Variants in PTPRN2 observed in about 807,000 individuals in gnomAD.
PTPRN2 encodes the protein receptor-type tyrosine-protein phosphatase N2.
In PTPRN2, 74 loss-of-function variants were observed where a neutral mutation model predicts 118.8. The observed-to-expected ratio is 0.62, with a 90% CI of 0.52 to 0.76. The LOEUF is 0.76. Among genes scored for constraint, PTPRN2 ranks in the 30% least tolerant of loss-of-function variants. PTPRN2 has a pLI of 0.00. For synonymous variants in PTPRN2, 641 were observed against 608.0 expected (o/e 1.05, Z -0.80); for missense variants, 1,481 against 1,394.4 (o/e 1.06, Z -0.99).
intron 12 of PTPRN2, among the ~76,000 whole-genome samples, chr7:157,693,490 T>G (rs1028868355): frequency 6.6e-6 from 1 of 152,056 alleles, no homozygotes; most frequent in African/African-American, 2.4e-5. Context: ...CATCCTGCCC[T>G]CGCTGCCCCG....
At chr7:157,721,203 C>T (rs1799213203) in intron 12 of PTPRN2, among the ~76,000 whole-genome samples, 2 of 152,192 alleles carry the variant, frequency 1.3e-5, no homozygotes, top group African/African-American at 4.8e-5. Flanking sequence ...CTGCTAAGAA[C>T]ACACAACGGG....
At chr7:157,731,446 T>C (rs1259612111) in intron 12 of PTPRN2, among the ~76,000 whole-genome samples, 1 of 151,410 alleles carries the variant, frequency 6.6e-6, no homozygotes, top group East Asian at 1.9e-4. Context: ...GGACAGGGCC[T>C]GTGTTACTCT....
rs185406281 is a variant in PTPRN2 at position 157,591,806 on chromosome 7, A to G, written c.2496+3432T>C. Among the ~76,000 whole-genome samples the G allele has an allele frequency of 4.6e-5, 7 of 152,328 alleles. No homozygotes were observed. The highest frequency in any genetic ancestry group is 4.6e-4 in the Admixed American group (7 of 15,300). On this transcript the variant is annotated intron_variant, in intron 17 of 22. Coordinates refer to ENST00000389418, the MANE Select transcript of PTPRN2 (RefSeq NM_002847.5). This position sits in a 1 kb window ranked among gnomAD's most constrained non-coding sequence, Gnocchi z 4.4. ...ATCCTGCTCTGTGTGGATTTATGGCATCGATGGTGGGCAGCTCCTGTGTTC... is the reference window on the plus strand; with the variant it reads ...ATCCTGCTCTGTGTGGATTTATGGCGTCGATGGTGGGCAGCTCCTGTGTTC...
chr7:157,754,523 A>T (rs1585386238), intron 12 of PTPRN2, among the ~76,000 whole-genome samples: 1 of 152,240 alleles, frequency 6.6e-6, no homozygotes, highest in East Asian at 1.9e-4. Flanking sequence ...TGACAGTGAC[A>T]GTGGCCTTCC....
At chr7:158,010,190 C>T (rs780682703) in intron 11 of PTPRN2, among the ~76,000 whole-genome samples, 1 of 152,154 alleles carries the variant, frequency 6.6e-6, no homozygotes, top group South Asian at 2.1e-4. Context: ...CACGGGAGGA[C>T]GGAGTTCATT....
chr7:157,856,703 G>C (rs1021016045), intron 12 of PTPRN2, among the ~76,000 whole-genome samples: 5 of 152,362 alleles, frequency 3.3e-5, no homozygotes, highest in African/African-American at 1.2e-4. Context: ...TCAGGTCCTT[G>C]CTGTGCTGCA....
intron 11 of PTPRN2, among the ~76,000 whole-genome samples, chr7:157,943,243 A>T (rs1174400948): frequency 6.6e-6 from 1 of 152,176 alleles, no homozygotes; most frequent in African/African-American, 2.4e-5. Context: ...ATCTCACCAG[A>T]GGATAAACAG....
chr7:157,768,783 T>C (rs1188686023), intron 12 of PTPRN2, among the ~76,000 whole-genome samples: 1 of 152,230 alleles, frequency 6.6e-6, no homozygotes, highest in African/African-American at 2.4e-5. Flanking sequence ...TCTGCTTTAA[T>C]TGTAGTGTCT....
chr7:157,887,071 A>G (rs571083086), intron 12 of PTPRN2, among the ~76,000 whole-genome samples: 51 of 152,174 alleles, frequency 3.4e-4, no homozygotes, highest in African/African-American at 1.2e-3. Context: ...GAGCCCACCC[A>G]TGACAGGCCT....
At chr7:158,101,799 C>T (rs2150348083) in intron 10 of PTPRN2, among the ~76,000 whole-genome samples, 1 of 152,344 alleles carries the variant, frequency 6.6e-6, no homozygotes, top group South Asian at 2.1e-4. Context: ...AAGCCCCTGG[C>T]CACCCTGACC....
intron 11 of PTPRN2, among the ~76,000 whole-genome samples, chr7:158,011,170 G>C (rs1806022032): frequency 6.6e-6 from 1 of 152,138 alleles, no homozygotes; most frequent in Non-Finnish European, 1.5e-5. Context: ...ACCCCACCTG[G>C]GTCTGTACGT....
intron 2 of PTPRN2, among the ~76,000 whole-genome samples, chr7:158,440,189 C>G (rs147494777): frequency 0.013 from 1,977 of 152,312 alleles, 19 homozygotes; most frequent in Non-Finnish European, 0.019. Flanking sequence ...AAGCTGCCTT[C>G]TGGTAGGCAA....
At chr7:158,318,224 C>A (rs1487931754) in intron 2 of PTPRN2, among the ~76,000 whole-genome samples, 1 of 152,184 alleles carries the variant, frequency 6.6e-6, no homozygotes, top group East Asian at 1.9e-4. Flanking sequence ...CCTTTGCCTT[C>A]CTCAGACACG....
At position 157,911,892 on chromosome 7, in the gene PTPRN2, C is replaced by T. The variant is rs78768020; in HGVS notation, c.1724-13155G>A. On this transcript the variant is annotated intron_variant, in intron 11 of 22. Transcript: ENST00000389418. ...AACCCTGTGTTCTGAGACTCAGATT[C>T]GGTTTTGCATGTCATGGTGGCTCAT... Among the ~76,000 whole-genome samples, 94 of 152,202 alleles carry T rather than the reference C, an allele frequency of 6.2e-4. 1 individual carries two copies. The East Asian group carries it at 0.016, about 26-fold the overall frequency.
chr7:158,013,278 A>G (rs1042297815), intron 11 of PTPRN2, among the ~76,000 whole-genome samples: 1 of 152,244 alleles, frequency 6.6e-6, no homozygotes, highest in African/African-American at 2.4e-5. Context: ...CTCCCTGCAC[A>G]GACTTGGCAA....
At chr7:157,669,292 C>T (rs998901524) in intron 13 of PTPRN2, among the ~76,000 whole-genome samples, 9 of 152,242 alleles carry the variant, frequency 5.9e-5, no homozygotes, top group Non-Finnish European at 1.2e-4. Flanking sequence ...AAGCCGGGGA[C>T]GTCCTCGGCT....
At chr7:157,939,514 A>G (rs1050473109) in intron 11 of PTPRN2, among the ~76,000 whole-genome samples, 8 of 152,276 alleles carry the variant, frequency 5.3e-5, no homozygotes, top group Non-Finnish European at 1.0e-4. Context: ...ACCAAGTGCC[A>G]GGATTCACCC....
rs577055199 is a variant in PTPRN2, at chr7:158,312,890, G to C, written c.277+3929C>G. 5.3e-5 allele frequency among the ~76,000 whole-genome samples: 8 copies of C among 151,286 alleles called. 1 individual carries two copies. The South Asian group carries it at 1.7e-3, about 32-fold the overall frequency. ...TGTCTACACATGAGCATGTGTGTGT[G>C]CAGGTGTGCATGCATGTGTGGGGAT... On this transcript the variant is annotated intron_variant, in intron 3 of 22. Transcript: ENST00000389418.
intron 2 of PTPRN2, among the ~76,000 whole-genome samples, chr7:158,386,034 C>A (rs1449499194): frequency 2.2e-4 from 23 of 104,920 alleles, no homozygotes; most frequent in African/African-American, 8.7e-4. Flanking sequence ...TCCCGTGCCC[C>A]GAGTCCCTCC....
Sources: allele counts gnomAD v4.1 joint callset (sites outside exome capture counted in the v4.1 genomes callset), GRCh38; gene constraint gnomAD v4.1.1; non-coding constraint Gnocchi (gnomAD v3.1); transcripts MANE v1.5; gene names NCBI Gene and HGNC (gene_info 2026-07-23, HGNC 2026-07-21).